The following CADPS variants were observed in gnomAD, a reference collection of about 807,000 sequenced individuals.
The protein encoded by CADPS is calcium dependent secretion activator.
Under a neutral mutation model 167.3 loss-of-function variants are expected in CADPS, and 57 were observed. The observed-to-expected ratio is 0.34, with a 90% CI of 0.28 to 0.42. CADPS has a LOEUF of 0.42. CADPS is among the 20% of genes least tolerant of loss of function. The pLI is 1.00. For synonymous variants in CADPS, 676 were observed against 635.3 expected (o/e 1.06, Z -0.96); for missense variants, 1,414 against 1,738.1 (o/e 0.81, Z 3.32).
At chr3:62,642,917 CAA>C (rs1253296451) in intron 6 of CADPS, among the ~76,000 whole-genome samples, 2 of 66,244 alleles carry the variant, frequency 3.0e-5, no homozygotes, top group Non-Finnish European at 7.1e-5. Context: ...TCTCAAAAGA[CAA>C]AACAAAACAA....
intron 27 of CADPS, chr3:62,440,909 G>A (rs1057075303): frequency 2.0e-5 from 3 of 152,208 alleles, no homozygotes; most frequent in African/African-American, 4.8e-5. Context: ...CTGGAGGGGA[G>A]TGGGTCACTA....
chr3:62,555,900 G>C (rs939009195), intron 10 of CADPS, among the ~76,000 whole-genome samples: 1 of 151,986 alleles, frequency 6.6e-6, no homozygotes, highest in Non-Finnish European at 1.5e-5. Flanking sequence ...CTACAGGTGT[G>C]TGCCTCCATG....
At chr3:62,406,289 A>AT (rs1280942992) in intron 28 of CADPS, among the ~76,000 whole-genome samples, 1 of 152,162 alleles carries the variant, frequency 6.6e-6, no homozygotes, top group Non-Finnish European at 1.5e-5. Context: ...GTCATTAAAC[A>AT]TTTATCAGCA....
intron 3 of CADPS, among the ~76,000 whole-genome samples, chr3:62,708,259 A>AAG (rs71123288): frequency 6.6e-6 from 1 of 151,228 alleles, no homozygotes; most frequent in Admixed American, 6.6e-5. Flanking sequence ...GAGAAAAAAA[A>AAG]GCCAGGAAAT....
intron 6 of CADPS, among the ~76,000 whole-genome samples, chr3:62,599,717 TAA>T (rs1562707232): frequency 2.3e-5 from 1 of 44,050 alleles, no homozygotes; most frequent in African/African-American, 1.2e-4. Context: ...ATATAATATA[TAA>T]TATATATAGT....
chr3:62,585,250 G>A lies in CADPS; in HGVS notation c.1512C>T (p.Pro504=), dbSNP rs1340891905. Residue 504 remains proline, a synonymous_variant, in exon 8 of 30, where the codon CCC becomes CCT. Transcript: ENST00000383710. ...WHKMTVSKNC[P]DQDLKIKLAV... is the part of the protein sequence containing the mutation. ...CAAGTTTGATTTTGAGATCTTGGTC[G>A]GGGCAGTTTTTGGAGACTGTCATTT... The A allele has an allele frequency of 7.4e-6, 12 of 1,613,754 alleles. No individual in the cohort carries two copies. Among genetic ancestry groups the A allele is most frequent in the South Asian group, 2.2e-5 (2 of 91,060 alleles).
At chr3:62,695,461 T>A (rs577884699) in intron 3 of CADPS, among the ~76,000 whole-genome samples, 2 of 152,094 alleles carry the variant, frequency 1.3e-5, no homozygotes, top group African/African-American at 4.8e-5. Context: ...GCTTTATCCA[T>A]ATCTAGGAAA....
At chr3:62,582,336 C>G (rs1280664238) in intron 8 of CADPS, among the ~76,000 whole-genome samples, 2 of 152,266 alleles carry the variant, frequency 1.3e-5, no homozygotes, top group East Asian at 1.9e-4. Flanking sequence ...GTCCCAGCTA[C>G]TTGGGAAGCT....
intron 6 of CADPS, among the ~76,000 whole-genome samples, chr3:62,622,659 A>T (rs754680977): frequency 6.6e-6 from 1 of 152,140 alleles, no homozygotes; most frequent in Non-Finnish European, 1.5e-5. Context: ...GCTGAGCTGC[A>T]TGGGTACACT....
chr3:62,454,012 T>C (rs1216099445), intron 26 of CADPS, among the ~76,000 whole-genome samples: 1 of 152,174 alleles, frequency 6.6e-6, no homozygotes, highest in Non-Finnish European at 1.5e-5. Context: ...ACACCAAAAA[T>C]TTCTCATAAG....
chr3:62,492,156 G>C (rs73092144), intron 20 of CADPS, 134 bp downstream of exon 20: 54,963 of 731,586 alleles, frequency 0.075, 2,770 homozygotes, highest in East Asian at 0.22. Flanking sequence ...TTTCTTTTTG[G>C]GGGGTGGGGT....
chr3:62,864,268 C>G (rs151129621), intron 1 of CADPS, among the ~76,000 whole-genome samples: 4 of 152,206 alleles, frequency 2.6e-5, no homozygotes, highest in Admixed American at 1.3e-4. Context: ...TGGCAAGAGG[C>G]CTATGCTGGA....
In CADPS at chr3:62,600,237, C is replaced by T. The variant is rs144004613; in HGVS notation, c.1326-7489G>A. 3.1e-4 allele frequency among the ~76,000 whole-genome samples: 47 copies of T among 151,452 alleles called. No individual in the cohort carries two copies. In the East Asian group the frequency reaches 7.6e-3, roughly 25 times the overall value. On this transcript the variant is annotated intron_variant, in intron 6 of 29. Coordinates refer to ENST00000383710, the MANE Select transcript of CADPS (RefSeq NM_003716.4). ...GCAGAGGATACTCAGCATGCAACAG[C>T]TCTCTTGGGAGCAAGGCGTCAATCC...
At chr3:62,794,056 A>G (rs1045422965) in intron 1 of CADPS, among the ~76,000 whole-genome samples, 2 of 152,190 alleles carry the variant, frequency 1.3e-5, no homozygotes, top group Non-Finnish European at 2.9e-5. Flanking sequence ...CAAGATACAC[A>G]TGTGAATAAA....
At chr3:62,559,958 A>T (rs562781173) in intron 9 of CADPS, among the ~76,000 whole-genome samples, 1 of 150,388 alleles carries the variant, frequency 6.6e-6, no homozygotes, top group South Asian at 2.1e-4. Context: ...CTATTACTAC[A>T]TGGTTTGGGC....
At chr3:62,404,951 C>T (rs1707880225) in intron 28 of CADPS, 1 of 151,784 alleles carries the variant, frequency 6.6e-6, no homozygotes, top group African/African-American at 2.4e-5. Context: ...CACCTCCTGC[C>T]TTGGGATTCT....
intron 1 of CADPS, among the ~76,000 whole-genome samples, chr3:62,843,603 A>G (rs938895716): frequency 8.6e-5 from 13 of 152,046 alleles, no homozygotes; most frequent in African/African-American, 2.9e-4. Context: ...AGTTACTTCC[A>G]TTATGTTGCT....
At chr3:62,429,913 G>A (rs1351217912) in intron 28 of CADPS, among the ~76,000 whole-genome samples, 1 of 152,164 alleles carries the variant, frequency 6.6e-6, no homozygotes, top group Admixed American at 6.5e-5. Context: ...AAGACACTTA[G>A]CAAAACTCTT....
intron 18 of CADPS, chr3:62,498,004 C>G (rs934946569): frequency 1.2e-5 from 5 of 411,528 alleles, no homozygotes; most frequent in Middle Eastern, 3.6e-4. Context: ...ACAAGCAGTC[C>G]ACTGGAAGTT....
Sources: allele counts gnomAD v4.1 joint callset (sites outside exome capture counted in the v4.1 genomes callset), GRCh38; gene constraint gnomAD v4.1.1; transcripts MANE v1.5; gene names NCBI Gene and HGNC (gene_info 2026-07-23, HGNC 2026-07-21).